NUCB2: variants seen among roughly 807,000 people sequenced by gnomAD.
NUCB2 encodes nucleobindin 2.
In NUCB2, 48 loss-of-function variants were observed where a neutral mutation model predicts 57.9. The ratio of observed to expected loss-of-function variants is 0.83; its 90% CI spans 0.66 to 1.05. The LOEUF (loss-of-function observed/expected upper bound fraction) is 1.05. NUCB2 is among the 50% of genes least tolerant of loss of function. The pLI is 0.00. For synonymous variants in NUCB2, 139 were observed against 152.1 expected, an observed-to-expected ratio of 0.91 and a Z score of 0.64; for missense variants, 442 against 476.2, an observed-to-expected ratio of 0.93 and a Z score of 0.67.
At chr11:17,320,145 G>A (rs1949828849) in intron 11 of NUCB2, among the ~76,000 whole-genome samples, 1 of 152,002 alleles carries the variant, frequency 6.6e-6, no homozygotes, top group African/African-American at 2.4e-5. Flanking sequence ...CTTACTTTGG[G>A]CATTTAGGTT....
chr11:17,338,913 G>A (rs781396335), intron 2 of NUCB2, among the ~76,000 whole-genome samples: 41 of 152,028 alleles, frequency 2.7e-4, no homozygotes, highest in African/African-American at 8.0e-4. Flanking sequence ...ATCCACCTGC[G>A]TCGGCCTCCC....
chr11:17,331,502 C>A lies in NUCB2; in HGVS notation c.*83C>A. On this transcript the variant is annotated 3_prime_UTR_variant, in exon 14 of 14. Transcript: ENST00000529010. ...TTTTAGCTCCCTTCCTTTTTCTCTG[C>A]TCAATAAATATTTTAAAAGCATATT... The A allele has an allele frequency of 1.2e-6, 1 of 827,250 alleles. No homozygotes were observed. Among genetic ancestry groups the A allele is most frequent in the Non-Finnish European group, 1.8e-6 (1 of 563,974 alleles). The allele number at this position is 827,250 out of a possible 1,614,324, so 51.2% of individuals were successfully genotyped here.
intron 11 of NUCB2, among the ~76,000 whole-genome samples, chr11:17,324,498 A>G (rs186979952): frequency 1.1e-3 from 171 of 152,126 alleles, no homozygotes; most frequent in African/African-American, 3.6e-3. Flanking sequence ...CAGTGGCACT[A>G]TGTCAGCTCA....
chr11:17,308,859 G>A (rs1427072742), intron 5 of NUCB2, among the ~76,000 whole-genome samples: 1 of 152,110 alleles, frequency 6.6e-6, no homozygotes, highest in Non-Finnish European at 1.5e-5. Flanking sequence ...ATTCTTTCAT[G>A]TAAGCTTTAG....
At chr11:17,282,479 T>C (rs186909506) in intron 1 of NUCB2, among the ~76,000 whole-genome samples, 269 of 152,126 alleles carry the variant, frequency 1.8e-3, no homozygotes, top group Non-Finnish European at 3.0e-3. Flanking sequence ...CAGGCTGATC[T>C]TGAACTCCTG....
chr11:17,313,155 C>A (rs1325032887), intron 10 of NUCB2, among the ~76,000 whole-genome samples: 2 of 151,920 alleles, frequency 1.3e-5, no homozygotes, highest in African/African-American at 4.8e-5. Context: ...ATACTAGATG[C>A]CTTTAGTATG....
chr11:17,297,821 C>G (rs1046716538), intron 4 of NUCB2, among the ~76,000 whole-genome samples: 1 of 152,116 alleles, frequency 6.6e-6, no homozygotes, highest in Admixed American at 6.6e-5. Flanking sequence ...TGGTGGCTCA[C>G]GCCTGTAATC....
At chr11:17,319,579 T>C (rs1286644429) in intron 11 of NUCB2, among the ~76,000 whole-genome samples, 2 of 152,204 alleles carry the variant, frequency 1.3e-5, no homozygotes, top group Non-Finnish European at 2.9e-5. Context: ...TATGTACATA[T>C]GTACACACAT....
At chr11:17,293,567 A>G (rs1445803588) in intron 2 of NUCB2, among the ~76,000 whole-genome samples, 1 of 152,242 alleles carries the variant, frequency 6.6e-6, no homozygotes, top group African/African-American at 2.4e-5. Context: ...AGAATTGAAA[A>G]CCTGTTAACA....
At chr11:17,329,252 G>C (rs1164725500) in intron 11 of NUCB2, among the ~76,000 whole-genome samples, 1 of 152,168 alleles carries the variant, frequency 6.6e-6, no homozygotes, top group East Asian at 1.9e-4. Context: ...CCTGAGGTTG[G>C]GGGAGGGGTA....
At chr11:17,288,686 C>G (rs1944262494) in intron 2 of NUCB2, among the ~76,000 whole-genome samples, 1 of 150,832 alleles carries the variant, frequency 6.6e-6, no homozygotes, top group African/African-American at 2.4e-5. Flanking sequence ...TCCCGGGTAG[C>G]TGGGACTACA....
intron 2 of NUCB2, among the ~76,000 whole-genome samples, chr11:17,289,352 C>T (rs1944544714): frequency 6.6e-6 from 1 of 152,132 alleles, no homozygotes; most frequent in South Asian, 2.1e-4. Context: ...TTCATCTTAT[C>T]AGAAGATGAT....
intron 1 of NUCB2, among the ~76,000 whole-genome samples, chr11:17,282,259 T>TA (rs1555062027): frequency 0.026 from 1,886 of 72,016 alleles, 19 homozygotes; most frequent in Non-Finnish European, 0.034. Flanking sequence ...TATATATATA[T>TA]TTTTTTTTTT....
chr11:17,283,401 T>C (rs1470470154), intron 2 of NUCB2: 1 of 152,224 alleles, frequency 6.6e-6, no homozygotes, highest in Non-Finnish European at 1.5e-5. Flanking sequence ...GAAGGAAAGA[T>C]TTGGATATTG....
chr11:17,339,398 C>T (rs1952062563), intron 2 of NUCB2, among the ~76,000 whole-genome samples: 2 of 152,026 alleles, frequency 1.3e-5, no homozygotes, highest in African/African-American at 4.8e-5. Flanking sequence ...ATGTGCACAA[C>T]ATGCAGGTTT....
At chr11:17,278,321 A>T (rs214079) in intron 1 of NUCB2, 70,251 of 151,136 alleles carry the variant, frequency 0.46, 16,951 homozygotes, top group East Asian at 0.8. Flanking sequence ...GATTACAGGG[A>T]CCCACCACCA....
At chr11:17,285,934 T>TAC (rs140090235) in intron 2 of NUCB2, among the ~76,000 whole-genome samples, 14,462 of 143,426 alleles carry the variant, frequency 0.1, 1,146 homozygotes, top group African/African-American at 0.23. Flanking sequence ...CACGTGTGCG[T>TAC]ACACACACAC....
At chr11:17,328,657 C>T (rs1419778005) in intron 11 of NUCB2, among the ~76,000 whole-genome samples, 3 of 152,138 alleles carry the variant, frequency 2.0e-5, no homozygotes, top group East Asian at 1.9e-4. Context: ...GCTTTTCTGT[C>T]ACCTTGCGGT....
At chr11:17,285,045 A>G (rs1465587259) in intron 2 of NUCB2, among the ~76,000 whole-genome samples, 2 of 152,102 alleles carry the variant, frequency 1.3e-5, no homozygotes, top group East Asian at 3.8e-4. Context: ...ATACATACTT[A>G]TAATAGGTTA....
Sources: gnomAD v4.1 joint callset for allele counts (sites outside exome capture counted in the v4.1 genomes callset) on GRCh38, gnomAD v4.1.1 for gene constraint, MANE v1.5 for transcripts, NCBI Gene and HGNC (gene_info 2026-07-23, HGNC 2026-07-21) for gene names.